The following EML4 variants were observed in gnomAD, a reference collection of about 807,000 sequenced individuals.
The protein encoded by EML4 is echinoderm microtubule-associated protein-like 4.
EML4 carries 72 observed loss-of-function variants against 129.0 expected under a neutral mutation model. The ratio of observed to expected loss-of-function variants is 0.56; its 90% CI spans 0.46 to 0.68. The LOEUF is 0.68. EML4 is among the 30% of genes least tolerant of loss of function. The pLI, the probability that EML4 is intolerant of heterozygous loss-of-function variation, is 0.00. For synonymous variants in EML4, 532 were observed against 405.0 expected, an observed-to-expected ratio of 1.31 and a Z score of -3.77; for missense variants, 1,363 against 1,190.6, an observed-to-expected ratio of 1.14 and a Z score of -2.13.
chr2:42,224,664 C>T (rs961896028), intron 1 of EML4, among the ~76,000 whole-genome samples: 1 of 152,080 alleles, frequency 6.6e-6, no homozygotes, highest in South Asian at 2.1e-4. Flanking sequence ...TACATTCCCA[C>T]TAGCAGTATA....
chr2:42,253,898 G>C (rs562878078), intron 2 of EML4, among the ~76,000 whole-genome samples: 1 of 152,242 alleles, frequency 6.6e-6, no homozygotes, highest in South Asian at 2.1e-4. Context: ...TAAGCTATAA[G>C]AGAAAAATCA....
At position 42,332,410 on chromosome 2, in the gene EML4, T is replaced by C. The variant is rs1670150363; in HGVS notation, c.*2203T>C. 9.7e-6 allele frequency: 2 copies of C among 206,238 alleles called. No individual in the cohort carries two copies. The highest frequency in any genetic ancestry group is 2.3e-5 in the African/African-American group (1 of 43,774). The allele number at this position is 206,238 out of a possible 1,614,324, so 12.8% of individuals were successfully genotyped here. ...TGGGGTTATGAAATTGTAGATGTTTTTAGAAAAACTTGTGAATGAAAATGA... is the reference window on the plus strand; with the variant it reads ...TGGGGTTATGAAATTGTAGATGTTTCTAGAAAAACTTGTGAATGAAAATGA... On this transcript the variant is annotated 3_prime_UTR_variant, in exon 23 of 23. Coordinates refer to ENST00000318522, the MANE Select transcript of EML4 (RefSeq NM_019063.5).
intron 3 of EML4, among the ~76,000 whole-genome samples, chr2:42,259,896 A>C (rs1167661667): frequency 6.6e-6 from 1 of 151,130 alleles, no homozygotes; most frequent in Non-Finnish European, 1.5e-5. Context: ...CACCCAGCTA[A>C]TTTTTTGTAT....
chr2:42,182,575 G>A (rs2103849668), intron 1 of EML4, among the ~76,000 whole-genome samples: 1 of 152,162 alleles, frequency 6.6e-6, no homozygotes, highest in South Asian at 2.1e-4. Flanking sequence ...ATGGGGGAAG[G>A]GGAGACACCT....
intron 1 of EML4, among the ~76,000 whole-genome samples, chr2:42,211,552 A>G (rs986453183): frequency 6.6e-6 from 1 of 152,220 alleles, no homozygotes. Flanking sequence ...AACAAGTGTG[A>G]TATGCCTAAA....
At chr2:42,171,259 T>C (rs1209544800) in intron 1 of EML4, among the ~76,000 whole-genome samples, 3 of 152,212 alleles carry the variant, frequency 2.0e-5, no homozygotes, top group Non-Finnish European at 4.4e-5. Flanking sequence ...AAAGTAAAAA[T>C]TGAGTGTCTT....
intron 1 of EML4, among the ~76,000 whole-genome samples, chr2:42,179,485 T>C (rs1670804600): frequency 1.3e-5 from 2 of 152,222 alleles, no homozygotes; most frequent in Non-Finnish European, 2.9e-5. Flanking sequence ...GTAACTGTCT[T>C]CAGGTTATGT....
In EML4 at chr2:42,316,111, T is replaced by C. The variant is rs369038945; in HGVS notation, c.2056+61T>C. On this transcript the variant is annotated intron_variant, in intron 18 of 22. Transcript: ENST00000318522. The stretch of plus-strand genomic sequence containing the variant: ...TTCACAGCACTTCACTGCAATTGCA[T>C]AGTTTTACTTCTAATAAGGCTGACT... The C allele has an allele frequency of 1.7e-4, 190 of 1,136,426 alleles. 3 individuals are homozygous for C. The South Asian group carries it at 2.2e-3, about 13-fold the overall frequency. The allele number at this position is 1,136,426 out of a possible 1,614,324, so 70.4% of individuals were successfully genotyped here.
intron 2 of EML4, among the ~76,000 whole-genome samples, chr2:42,255,085 T>C (rs928733160): frequency 1.3e-5 from 2 of 151,940 alleles, no homozygotes. Context: ...TTTTGTTTTT[T>C]TTTTCTTTTC....
chr2:42,186,287 G>A (rs555405378), intron 1 of EML4, among the ~76,000 whole-genome samples: 73 of 151,714 alleles, frequency 4.8e-4, no homozygotes, highest in Non-Finnish European at 7.2e-4. Context: ...AGGTTTGTTC[G>A]TTCTGGATCC....
chr2:42,325,866 G>T (rs1669783356), intron 20 of EML4, among the ~76,000 whole-genome samples: 1 of 151,470 alleles, frequency 6.6e-6, no homozygotes, highest in South Asian at 2.1e-4. Flanking sequence ...AATTGATGCT[G>T]CTCTGAATGG....
chr2:42,254,440 A>G (rs1675988787), intron 2 of EML4, among the ~76,000 whole-genome samples: 1 of 151,478 alleles, frequency 6.6e-6, no homozygotes, highest in East Asian at 1.9e-4. Flanking sequence ...CCTGGGCAAC[A>G]GAGCAAGACT....
chr2:42,306,132 G>A (rs1369041797), intron 17 of EML4, among the ~76,000 whole-genome samples: 1 of 152,186 alleles, frequency 6.6e-6, no homozygotes, highest in East Asian at 1.9e-4. Flanking sequence ...TAGAAGGCTA[G>A]CTCAGATCTT....
intron 6 of EML4, among the ~76,000 whole-genome samples, chr2:42,267,972 A>T (rs1666157462): frequency 6.6e-6 from 1 of 152,220 alleles, no homozygotes; most frequent in Non-Finnish European, 1.5e-5. Context: ...TACTGATTTT[A>T]AAAAATTTTC....
chr2:42,274,083 T>C (rs1666523001), intron 6 of EML4, among the ~76,000 whole-genome samples: 2 of 152,204 alleles, frequency 1.3e-5, no homozygotes, highest in Non-Finnish European at 2.9e-5. Context: ...GGTTGTCCTT[T>C]TGTTTAACTC....
At chr2:42,307,269 T>C (rs1416300330) in intron 17 of EML4, among the ~76,000 whole-genome samples, 6 of 152,214 alleles carry the variant, frequency 3.9e-5, no homozygotes, top group African/African-American at 1.4e-4. Flanking sequence ...AAGCTTAAAA[T>C]GGAAAGTCAC....
At chr2:42,248,805 A>C (rs534425435) in intron 2 of EML4, among the ~76,000 whole-genome samples, 2 of 152,214 alleles carry the variant, frequency 1.3e-5, no homozygotes, top group South Asian at 4.1e-4. Flanking sequence ...CAGTTTATGA[A>C]ATGGTTTGAT....
intron 1 of EML4, among the ~76,000 whole-genome samples, chr2:42,213,664 A>C (rs1244388762): frequency 6.6e-6 from 1 of 152,200 alleles, no homozygotes; most frequent in Non-Finnish European, 1.5e-5. Flanking sequence ...AGCGATATGA[A>C]TCTTTCCTTG....
chr2:42,272,253 G>C (rs1318750726), intron 6 of EML4, among the ~76,000 whole-genome samples: 1 of 152,044 alleles, frequency 6.6e-6, no homozygotes, highest in Non-Finnish European at 1.5e-5. Context: ...AAGATTTCAA[G>C]GAAAAAGCAT....
Sources: allele counts gnomAD v4.1 joint callset (sites outside exome capture counted in the v4.1 genomes callset), GRCh38; gene constraint gnomAD v4.1.1; transcripts MANE v1.5; gene names NCBI Gene and HGNC (gene_info 2026-07-23, HGNC 2026-07-21).